NALF1: variants seen among roughly 807,000 people sequenced by gnomAD.
NALF1 encodes family with sequence similarity 155 member A.
Under a neutral mutation model 48.4 loss-of-function variants are expected in NALF1, and 3 were observed. The ratio of observed to expected loss-of-function variants is 0.06; its 90% CI spans 0.03 to 0.16. The LOEUF (loss-of-function observed/expected upper bound fraction) is 0.16. Ranked by LOEUF, NALF1 falls within the 10% of genes least tolerant of loss-of-function variation. The pLI is 1.00. For missense variants in NALF1, 526 were observed against 571.5 expected, an observed-to-expected ratio of 0.92 and a Z score of 0.81; for synonymous variants, 262 against 245.7, an observed-to-expected ratio of 1.07 and a Z score of -0.62.
Position 107,169,826 on chromosome 13 carries a change from T to C in NALF1, c.*671A>G, listed in dbSNP as rs1878757076. 1 of 152,590 alleles carries C rather than the reference T, an allele frequency of 6.6e-6. No homozygotes were observed. 9.5% of individuals were successfully genotyped at this position (152,590 alleles called of 1,614,324 possible). On this transcript the variant is annotated 3_prime_UTR_variant, in exon 3 of 3. Transcript: ENST00000375915. Reference sequence around the variant, plus strand: ...ACCAAGCGTGCACACCCATTCACTGTGGTTACACAGACAGAAGCAAGCGGA... The same window carrying C: ...ACCAAGCGTGCACACCCATTCACTGCGGTTACACAGACAGAAGCAAGCGGA...
intron 1 of NALF1, among the ~76,000 whole-genome samples, chr13:107,679,975 G>A (rs1191386143): frequency 6.6e-6 from 1 of 152,162 alleles, no homozygotes; most frequent in Non-Finnish European, 1.5e-5. Context: ...GATGAGACAT[G>A]CTTCCCTCCC....
At chr13:107,781,242 C>G (rs116550417) in intron 1 of NALF1, among the ~76,000 whole-genome samples, 2,130 of 152,170 alleles carry the variant, frequency 0.014, 31 homozygotes, top group African/African-American at 0.046. Flanking sequence ...AAAGAATGTT[C>G]ATTTTTAATT....
chr13:107,380,860 AC>A (rs1883424113), intron 1 of NALF1, among the ~76,000 whole-genome samples: 2 of 150,298 alleles, frequency 1.3e-5, no homozygotes, highest in Admixed American at 6.6e-5. Flanking sequence ...CGCCTGTAGT[AC>A]CAGCTACTCG....
At chr13:107,778,194 GCAAACTGA>G (rs1354967552) in intron 1 of NALF1, among the ~76,000 whole-genome samples, 1 of 152,174 alleles carries the variant, frequency 6.6e-6, no homozygotes, top group African/African-American at 2.4e-5. Context: ...AAACTCCCCT[GCAAACTGA>G]GGCTGCATGA....
At chr13:107,537,924 A>C (rs2139115908) in intron 1 of NALF1, among the ~76,000 whole-genome samples, 1 of 152,212 alleles carries the variant, frequency 6.6e-6, no homozygotes, top group Non-Finnish European at 1.5e-5. Context: ...ACACTGAGGC[A>C]GGAGAACTGC....
intron 1 of NALF1, among the ~76,000 whole-genome samples, chr13:107,360,808 T>C (rs1046484564): frequency 2.6e-5 from 4 of 152,176 alleles, no homozygotes; most frequent in Non-Finnish European, 5.9e-5. Flanking sequence ...GGCTGGTTTT[T>C]AAGTATTTTC....
chr13:107,213,137 C>A (rs1015072993), intron 1 of NALF1, among the ~76,000 whole-genome samples: 1 of 150,678 alleles, frequency 6.6e-6, no homozygotes, highest in African/African-American at 2.4e-5. Context: ...CAACCACTTT[C>A]CTCAGCATTG....
chr13:107,724,154 A>AT (rs1216223905), intron 1 of NALF1, among the ~76,000 whole-genome samples: 3 of 152,160 alleles, frequency 2.0e-5, no homozygotes, highest in Admixed American at 1.3e-4. Context: ...ACTGAAGACT[A>AT]TTTTTTTACC....
chr13:107,634,953 T>G (rs1230153705), intron 1 of NALF1, among the ~76,000 whole-genome samples: 1 of 152,170 alleles, frequency 6.6e-6, no homozygotes, highest in Non-Finnish European at 1.5e-5. Flanking sequence ...TATAAGATTA[T>G]AGTTACACAA....
intron 1 of NALF1, among the ~76,000 whole-genome samples, chr13:107,553,336 T>C (rs1450391753): frequency 6.6e-6 from 1 of 152,182 alleles, no homozygotes; most frequent in Non-Finnish European, 1.5e-5. Flanking sequence ...CCCATGACAG[T>C]TTAGTAGACT....
At chr13:107,812,350 A>G (rs1378232894) in intron 1 of NALF1, among the ~76,000 whole-genome samples, 1 of 152,130 alleles carries the variant, frequency 6.6e-6, no homozygotes, top group Non-Finnish European at 1.5e-5. Context: ...AATCAAAATA[A>G]TACCACTATA....
intron 1 of NALF1, among the ~76,000 whole-genome samples, chr13:107,845,970 T>C (rs918804039): frequency 1.1e-4 from 17 of 152,152 alleles, no homozygotes; most frequent in African/African-American, 4.1e-4. Flanking sequence ...TATGAATATA[T>C]ATATTAGAGT....
intron 1 of NALF1, among the ~76,000 whole-genome samples, chr13:107,734,185 A>G (rs1309541272): frequency 6.6e-6 from 1 of 152,088 alleles, no homozygotes; most frequent in East Asian, 1.9e-4. Context: ...CTGTATATGC[A>G]GTCTGTCCCT....
chr13:107,656,277 C>A (rs1462948409), intron 1 of NALF1, among the ~76,000 whole-genome samples: 1 of 152,004 alleles, frequency 6.6e-6, no homozygotes, highest in African/African-American at 2.4e-5. Context: ...GAACTAATAT[C>A]CAGAATCTAC....
At chr13:107,569,419 C>T (rs1877916468) in intron 1 of NALF1, among the ~76,000 whole-genome samples, 1 of 151,964 alleles carries the variant, frequency 6.6e-6, no homozygotes, top group South Asian at 2.1e-4. Flanking sequence ...TTGCAGTGAG[C>T]CGAGATGGCG....
At position 107,866,066 on chromosome 13, in the gene NALF1, G is replaced by A. The variant is rs1295896715; in HGVS notation, c.531C>T (p.Ser177=). ...RLETCYPQGA[S]SGQCFTVENA... is the part of the protein sequence containing the mutation. ...TCTCCACCGTGAAGCACTGGCCCGA[G>A]GACGCGCCCTGGGGGTAACAAGTCT... is the stretch of plus-strand genomic sequence containing the variant. The change falls in exon 1 of 3, where the codon TCC becomes TCT. Residue 177 remains serine, a synonymous_variant. Transcript: ENST00000375915. The surrounding 1 kb of genome is among the most constrained non-coding windows in gnomAD (Gnocchi z 4.4). The A allele has an allele frequency of 2.5e-6, 4 of 1,612,914 alleles. No homozygotes were observed. Among genetic ancestry groups the A allele is most frequent in the African/African-American group, 2.7e-5 (2 of 75,056 alleles).
intron 1 of NALF1, among the ~76,000 whole-genome samples, chr13:107,853,036 AT>A (rs75430945): frequency 1.3e-5 from 2 of 152,010 alleles, no homozygotes; most frequent in East Asian, 1.9e-4. Flanking sequence ...AGTGAATATG[AT>A]TTTTTCCCAA....
chr13:107,431,420 C>A (rs1012112067), intron 1 of NALF1, among the ~76,000 whole-genome samples: 2 of 152,148 alleles, frequency 1.3e-5, no homozygotes, highest in African/African-American at 4.8e-5. Context: ...CACAAACACA[C>A]AATCTCAATT....
chr13:107,384,492 T>C (rs1282879604), intron 1 of NALF1, among the ~76,000 whole-genome samples: 2 of 152,202 alleles, frequency 1.3e-5, no homozygotes, highest in Non-Finnish European at 2.9e-5. Flanking sequence ...AAATCTGTTT[T>C]TGGTGGTTTT....
Sources: gnomAD v4.1 joint callset for allele counts (sites outside exome capture counted in the v4.1 genomes callset) on GRCh38, gnomAD v4.1.1 for gene constraint, Gnocchi (gnomAD v3.1) non-coding constraint, MANE v1.5 for transcripts, NCBI Gene and HGNC (gene_info 2026-07-23, HGNC 2026-07-21) for gene names.